Variants in UPF2 observed in about 807,000 individuals in gnomAD.
The protein encoded by UPF2 is regulator of nonsense transcripts 2.
A neutral mutation model predicts 141.4 loss-of-function variants in UPF2; 17 were observed. That is an observed-to-expected ratio of 0.12 (90% CI 0.08 to 0.18). The LOEUF (loss-of-function observed/expected upper bound fraction) is 0.18. UPF2 is among the 10% of genes least tolerant of loss of function. UPF2 has a pLI of 1.00. For synonymous variants in UPF2, 540 were observed against 498.0 expected, an observed-to-expected ratio of 1.08 and a Z score of -1.12; for missense variants, 1,152 against 1,515.9, an observed-to-expected ratio of 0.76 and a Z score of 3.99.
intron 1 of UPF2, among the ~76,000 whole-genome samples, chr10:12,037,588 T>C (rs190790385): frequency 6.6e-6 from 1 of 151,460 alleles, no homozygotes; most frequent in Non-Finnish European, 1.5e-5. Context: ...TAAAGATGGG[T>C]TTCACCATAT....
intron 19 of UPF2, among the ~76,000 whole-genome samples, chr10:11,934,238 G>C (rs1329947391): frequency 6.6e-6 from 1 of 152,236 alleles, no homozygotes; most frequent in Non-Finnish European, 1.5e-5. Context: ...TCGTAACAGT[G>C]GTGAATTAGC....
At chr10:12,031,462 G>A (rs762844136) in intron 2 of UPF2, among the ~76,000 whole-genome samples, 4 of 152,160 alleles carry the variant, frequency 2.6e-5, no homozygotes, top group African/African-American at 7.2e-5. Flanking sequence ...AAATAGGCAC[G>A]AGTGAGGGGC....
intron 9 of UPF2, among the ~76,000 whole-genome samples, chr10:11,977,354 G>C (rs1833521554): frequency 6.6e-6 from 1 of 152,138 alleles, no homozygotes; most frequent in Non-Finnish European, 1.5e-5. Context: ...AGTTTGTAGA[G>C]TGCTCTTTCT....
Position 11,939,236 on chromosome 10 carries a change from T to C in UPF2, c.3379-2524A>G. On this transcript the variant is annotated intron_variant, in intron 18 of 21. Transcript: ENST00000357604. This position sits in a 1 kb window ranked among gnomAD's most constrained non-coding sequence, Gnocchi z 4.8. ...AAAGCAAAGGAATACTAACAGTATCTGACAGCACTATGCAAAGAATAGATG... is the reference window on the plus strand; with the variant it reads ...AAAGCAAAGGAATACTAACAGTATCCGACAGCACTATGCAAAGAATAGATG... Among the ~76,000 whole-genome samples the C allele has an allele frequency of 6.6e-6, 1 of 152,166 alleles. No individual in the cohort carries two copies. The highest frequency in any genetic ancestry group is 2.4e-5 in the African/African-American group (1 of 41,438).
intron 3 of UPF2, among the ~76,000 whole-genome samples, chr10:12,025,523 C>T (rs1239133754): frequency 6.6e-6 from 1 of 151,236 alleles, no homozygotes; most frequent in African/African-American, 2.4e-5. Context: ...TGCATTCCAG[C>T]CTGGGAGACA....
Position 11,955,437 on chromosome 10 carries a change from C to T in UPF2, c.2645G>A (p.Arg882Gln). ...GAAAATAACAGCTGATTCCACCATT[C>T]GGTAATTGTAAAGTTCTCCTAAGAA... The part of the protein sequence containing the change: ...AKFLGELYNY[R>Q]MVESAVIFRT... Residue 882 changes from arginine to glutamine, a missense_variant, in exon 14 of 22, where the codon CGA (arginine) becomes CAA (glutamine). By Grantham distance (43) the Arg-to-Gln change is conservative. This residue lies in a region of UPF2 where 739 missense variants were observed against 1,032.2 expected (regional missense o/e 0.72). Coordinates refer to ENST00000357604, the MANE Select transcript of UPF2 (RefSeq NM_015542.4). The T allele has an allele frequency of 3.7e-6, 6 of 1,614,098 alleles. No homozygotes were observed. Among genetic ancestry groups the T allele is most frequent in the Non-Finnish European group, 5.1e-6 (6 of 1,180,022 alleles).
rs1288861599 is a variant in UPF2 at position 11,983,272 on chromosome 10, GTTA to G, written c.1845-4110_1845-4108del. On this transcript the variant is annotated intron_variant, in intron 8 of 21. Transcript: ENST00000357604. ...TAGCAGTTAATGGGACATTCACATAGTTACTTACTCTCCTACTGATGTTATATA... is the reference window on the plus strand; with the variant it reads ...TAGCAGTTAATGGGACATTCACATAGCTTACTCTCCTACTGATGTTATATA... Among the ~76,000 whole-genome samples the G allele has an allele frequency of 2.0e-5, 3 of 152,128 alleles. No individual in the cohort carries two copies. In the East Asian group the frequency reaches 5.8e-4, roughly 29 times the overall value.
At chr10:12,008,841 C>T (rs2131277445) in intron 4 of UPF2, among the ~76,000 whole-genome samples, 1 of 152,206 alleles carries the variant, frequency 6.6e-6, no homozygotes, top group East Asian at 1.9e-4. Flanking sequence ...TCTCCCTCCC[C>T]TTACCCCCAA....
chr10:12,031,130 T>TGCCAC (rs1834514932), intron 2 of UPF2, among the ~76,000 whole-genome samples: 1 of 139,532 alleles, frequency 7.2e-6, no homozygotes, highest in Non-Finnish European at 1.5e-5. Context: ...GCCGATATAG[T>TGCCAC]GCCACTGCAG....
chr10:12,022,405 C>A (rs1303288650), intron 3 of UPF2, among the ~76,000 whole-genome samples: 1 of 124,046 alleles, frequency 8.1e-6, no homozygotes, highest in Non-Finnish European at 1.9e-5. Context: ...AGGGAGACTC[C>A]GTCTCAAAAA....
intron 3 of UPF2, among the ~76,000 whole-genome samples, chr10:12,027,049 G>A (rs1005211173): frequency 3.3e-5 from 5 of 152,042 alleles, no homozygotes; most frequent in African/African-American, 1.2e-4. Flanking sequence ...CCTACTTCAA[G>A]TACCTGTATT....
In UPF2 at chr10:11,965,924, G is replaced by GA. The variant is rs1289322481; in HGVS notation, c.2067+1416dup. 3.3e-5 allele frequency among the ~76,000 whole-genome samples: 5 copies of GA among 152,024 alleles called. No homozygotes were observed. The East Asian group carries it at 7.7e-4, about 23-fold the overall frequency. ...TCAAGTTGATGAAAAATTTGTTATAGAAAAAAACAACCTTAGTAACGGAAT... is the reference window on the plus strand; with the variant it reads ...TCAAGTTGATGAAAAATTTGTTATAGAAAAAAAACAACCTTAGTAACGGAAT... On this transcript the variant is annotated intron_variant, in intron 10 of 21. Coordinates refer to ENST00000357604, the MANE Select transcript of UPF2 (RefSeq NM_015542.4).
At chr10:11,974,287 T>C (rs1833468587) in intron 9 of UPF2, among the ~76,000 whole-genome samples, 1 of 152,308 alleles carries the variant, frequency 6.6e-6, no homozygotes, top group Middle Eastern at 3.4e-3. Context: ...GCTGAGACGA[T>C]GGGGCTTTCT....
At position 11,951,398 on chromosome 10, in the gene UPF2, T is replaced by C. The variant is rs148994221; in HGVS notation, c.3034+668A>G. ...ACTTTAAAATGACTACAATAAAACA[T>C]GCTAAGAACTATCAGCATATAAACC... On this transcript the variant is annotated intron_variant, in intron 15 of 21. Coordinates refer to ENST00000357604, the MANE Select transcript of UPF2 (RefSeq NM_015542.4). 6.9e-3 allele frequency among the ~76,000 whole-genome samples: 1,045 copies of C among 152,288 alleles called. 8 individuals carry two copies. The highest frequency in any genetic ancestry group is 0.014 in the Admixed American group (217 of 15,296).
rs372522614 is a variant in UPF2 at position 11,956,557 on chromosome 10, A to G, written c.2371-34T>C. The G allele has an allele frequency of 6.3e-7, 1 of 1,599,572 alleles. No homozygotes were observed. The highest frequency in any genetic ancestry group is 1.3e-5 in the African/African-American group (1 of 74,500). ...AGAGAATTTTGTTCAAATTATTAAG[A>G]TAAGTACACAGTAGCCTGACCAAAT... On this transcript the variant is annotated intron_variant, in intron 12 of 21. Coordinates refer to ENST00000357604, the MANE Select transcript of UPF2 (RefSeq NM_015542.4). The surrounding 1 kb of genome is among the most constrained non-coding windows in gnomAD (Gnocchi z 4.2).
At chr10:12,035,546 A>G in intron 1 of UPF2, 105 bp from the exon 2 acceptor site, 1 of 1,257,206 alleles carries the variant, frequency 8.0e-7, no homozygotes, top group South Asian at 2.0e-5. Context: ...GGCAATTGTA[A>G]AAGAGTAAAT....
In UPF2 at chr10:12,001,769, C is replaced by T; in HGVS notation, c.1561G>A (p.Glu521Lys). The change falls in exon 6 of 22, where the codon GAG becomes AAG. Residue 521 changes from glutamate to lysine, a missense_variant. Physicochemically the swap from Glu to Lys is moderately conservative, Grantham distance 56. Transcript: ENST00000357604. ...EVSSPDDLEL[E>K]LENLEINDDT... is the part of the protein sequence containing the mutation. ...TCATTAATTTCTAGATTCTCCAACT[C>T]AAGTTCCAAATCATCGGGACTTGAT... is the stretch of plus-strand genomic sequence containing the variant. 2 of 1,612,722 alleles carry T rather than the reference C, an allele frequency of 1.2e-6. No individual in the cohort carries two copies. The highest frequency in any genetic ancestry group is 1.7e-6 in the Non-Finnish European group (2 of 1,179,440).
intron 9 of UPF2, among the ~76,000 whole-genome samples, chr10:11,977,572 G>A (rs555414659): frequency 2.0e-5 from 3 of 152,270 alleles, no homozygotes; most frequent in African/African-American, 4.8e-5. Flanking sequence ...AGCAACTTGT[G>A]TTTTAATTTG....
chr10:11,978,932 A>G (rs1833550399), intron 9 of UPF2, 125 bp downstream of exon 9: 1 of 724,808 alleles, frequency 1.4e-6, no homozygotes, highest in Non-Finnish European at 2.2e-6. Context: ...AGAATGCCGT[A>G]AATTCTAAAC....
Sources: gnomAD v4.1 joint callset for allele counts (sites outside exome capture counted in the v4.1 genomes callset) on GRCh38, gnomAD v4.1.1 for gene constraint, gnomAD v4.1.1 regional missense constraint, Gnocchi (gnomAD v3.1) non-coding constraint, MANE v1.5 for transcripts, NCBI Gene and HGNC (gene_info 2026-07-23, HGNC 2026-07-21) for gene names.